The following KCNJ12 variants were observed in gnomAD, a reference collection of about 807,000 sequenced individuals.
KCNJ12 encodes the protein potassium inwardly rectifying channel subfamily J member 12, also known as ATP-sensitive inward rectifier potassium channel 12.
KCNJ12 carries 2 observed loss-of-function variants against 22.3 expected under a neutral mutation model. The observed-to-expected ratio is 0.09, with a 90% CI of 0.04 to 0.28. The LOEUF is 0.28. KCNJ12 is among the 10% of genes least tolerant of loss of function. The pLI is 1.00. For missense variants in KCNJ12, 155 were observed against 633.3 expected, an observed-to-expected ratio of 0.24 and a Z score of 8.11; for synonymous variants, 117 against 261.4, an observed-to-expected ratio of 0.45 and a Z score of 5.33.
chr17:21,397,480 G>A (rs752041798), intron 1 of KCNJ12, among the ~76,000 whole-genome samples: 36 of 152,222 alleles, frequency 2.4e-4, no homozygotes, highest in Admixed American at 2.3e-3. Context: ...CGATGTTTTC[G>A]AGCAAGGCTA....
intron 1 of KCNJ12, among the ~76,000 whole-genome samples, chr17:21,391,755 C>T (rs1340473656): frequency 6.6e-6 from 1 of 152,238 alleles, no homozygotes; most frequent in African/African-American, 2.4e-5. Context: ...CTGTGGGCAC[C>T]TGGATCCTAC....
chr17:21,378,309 G>A (rs1281685829), intron 1 of KCNJ12, among the ~76,000 whole-genome samples: 2 of 152,348 alleles, frequency 1.3e-5, no homozygotes, highest in East Asian at 3.9e-4. Flanking sequence ...GCCACCAGAG[G>A]CTTTCGCTCT....
intron 1 of KCNJ12, among the ~76,000 whole-genome samples, chr17:21,402,130 C>T (rs1905651435): frequency 6.6e-6 from 1 of 152,296 alleles, no homozygotes; most frequent in Non-Finnish European, 1.5e-5. Context: ...CCTCCCTTTC[C>T]CCCACCTCCC....
chr17:21,398,458 A>G (rs898688819), intron 1 of KCNJ12, among the ~76,000 whole-genome samples: 55 of 152,180 alleles, frequency 3.6e-4, no homozygotes, highest in Admixed American at 3.5e-3. Context: ...CCAGACCTCT[A>G]CGGCCCCCAC....
intron 1 of KCNJ12, among the ~76,000 whole-genome samples, chr17:21,383,828 G>A (rs1555558331): frequency 6.6e-6 from 1 of 152,200 alleles, no homozygotes; most frequent in Non-Finnish European, 1.5e-5. Flanking sequence ...CTGCCCTGGG[G>A]GGCTGACATC....
chr17:21,407,721 A>T (rs1176642305), intron 1 of KCNJ12, among the ~76,000 whole-genome samples: 4 of 151,660 alleles, frequency 2.6e-5, no homozygotes, highest in Admixed American at 2.0e-4. Context: ...ACACTTATCC[A>T]TCCATCTATC....
chr17:21,382,543 A>G (rs1157967547), intron 1 of KCNJ12, among the ~76,000 whole-genome samples: 2 of 152,174 alleles, frequency 1.3e-5, no homozygotes, highest in Middle Eastern at 3.4e-3. Flanking sequence ...AAAAATGTTT[A>G]TGATTTGCAA....
chr17:21,408,718 C>T (rs1401939488), intron 2 of KCNJ12, 78 bp downstream of exon 2: 1 of 152,346 alleles, frequency 6.6e-6, no homozygotes, highest in African/African-American at 2.4e-5. Flanking sequence ...CATCCTTCAC[C>T]CCTCCACCCA....
At chr17:21,389,991 C>T (rs1458392808) in intron 1 of KCNJ12, among the ~76,000 whole-genome samples, 7 of 152,168 alleles carry the variant, frequency 4.6e-5, no homozygotes, top group Non-Finnish European at 8.8e-5. Flanking sequence ...CCCAGACCCT[C>T]CTCCTCCTGC....
At chr17:21,400,860 T>A (rs79719845) in intron 1 of KCNJ12, among the ~76,000 whole-genome samples, 17,057 of 122,146 alleles carry the variant, frequency 0.14, no homozygotes, top group African/African-American at 0.21. Flanking sequence ...TAGCATGCTG[T>A]TGCTTATGAG....
Position 21,417,080 on chromosome 17 carries a change from CA to C in KCNJ12, c.*448del, listed in dbSNP as rs1287819314. On this transcript the variant is annotated 3_prime_UTR_variant, in exon 3 of 3. Coordinates refer to ENST00000583088, the MANE Select transcript of KCNJ12 (RefSeq NM_021012.5). ...ACCTTAGCTTGGGTGAGACTGTTTA[CA>C]AAAAAAAAAAATTACCATGCAATTG... is the stretch of plus-strand genomic sequence containing the variant. 672 of 173,452 alleles carry C rather than the reference CA, an allele frequency of 3.9e-3. No individual in the cohort carries two copies. Among genetic ancestry groups the C allele is most frequent in the Non-Finnish European group, 2.9e-3 (224 of 77,462 alleles). The allele number at this position is 173,452 out of a possible 1,614,324, so 10.7% of individuals were successfully genotyped here. A position where few individuals can be genotyped will look rare whatever the true frequency, so the allele number is the denominator to read the frequency against.
At chr17:21,393,497 C>T (rs1195232301) in intron 1 of KCNJ12, among the ~76,000 whole-genome samples, 1 of 152,176 alleles carries the variant, frequency 6.6e-6, no homozygotes, top group African/African-American at 2.4e-5. Context: ...ACGAAGCCAG[C>T]ACTGCCTGCT....
At chr17:21,396,065 G>C (rs1905352107) in intron 1 of KCNJ12, among the ~76,000 whole-genome samples, 1 of 152,188 alleles carries the variant, frequency 6.6e-6, no homozygotes, top group African/African-American at 2.4e-5. Flanking sequence ...TCCCTGCCAG[G>C]CTTGTTATGG....
intron 1 of KCNJ12, among the ~76,000 whole-genome samples, chr17:21,390,327 G>T (rs1265819034): frequency 3.3e-5 from 5 of 152,142 alleles, no homozygotes; most frequent in Non-Finnish European, 7.3e-5. Context: ...GGGCCCACTG[G>T]GATGGGCACT....
intron 2 of KCNJ12, 144 bp from the exon 3 acceptor site, chr17:21,415,143 G>C (rs1906622943): frequency 1.2e-5 from 10 of 820,188 alleles, no homozygotes; most frequent in Non-Finnish European, 1.7e-5. Flanking sequence ...GGCGGAGTGG[G>C]GAGCTGGCTT....
intron 1 of KCNJ12, among the ~76,000 whole-genome samples, chr17:21,386,766 A>G (rs1451957789): frequency 6.6e-6 from 1 of 152,138 alleles, no homozygotes; most frequent in Non-Finnish European, 1.5e-5. Flanking sequence ...TTGGCCTCCC[A>G]AAGTGCTAGG....
chr17:21,382,370 G>A (rs2144762261), intron 1 of KCNJ12, among the ~76,000 whole-genome samples: 1 of 152,304 alleles, frequency 6.6e-6, no homozygotes, highest in Non-Finnish European at 1.5e-5. Flanking sequence ...ATGTTTGGAG[G>A]GCGGCTGAGG....
chr17:21,395,568 C>CAAAAAAAAAAAAAAAA (rs10652801), intron 1 of KCNJ12, among the ~76,000 whole-genome samples: 75 of 48,110 alleles, frequency 1.6e-3, no homozygotes, highest in Non-Finnish European at 1.7e-3. Context: ...GACTTCTTCT[C>CAAAAAAAAAAAAAAAA]AAAAAAAAAA....
At chr17:21,385,218 C>T (rs751042106) in intron 1 of KCNJ12, among the ~76,000 whole-genome samples, 8 of 152,228 alleles carry the variant, frequency 5.3e-5, no homozygotes, top group Non-Finnish European at 1.0e-4. Context: ...GGATCTGCTA[C>T]ACTGATTGGG....
Sources: allele counts gnomAD v4.1 joint callset (sites outside exome capture counted in the v4.1 genomes callset), GRCh38; gene constraint gnomAD v4.1.1; transcripts MANE v1.5; gene names NCBI Gene and HGNC (gene_info 2026-07-23, HGNC 2026-07-21).